SLC44A5: variants seen among roughly 807,000 people sequenced by gnomAD.
The protein encoded by SLC44A5 is solute carrier family 44 member 5.
Under a neutral mutation model 101.8 loss-of-function variants are expected in SLC44A5, and 57 were observed. The ratio of observed to expected loss-of-function variants is 0.56; its 90% CI spans 0.45 to 0.70. SLC44A5 has a LOEUF of 0.70. SLC44A5 is among the 30% of genes least tolerant of loss of function. SLC44A5 has a pLI of 0.00. For synonymous variants in SLC44A5, 281 were observed against 290.9 expected (o/e 0.97, Z 0.35); for missense variants, 737 against 853.1 (o/e 0.86, Z 1.70).
chr1:75,646,247 A>T, the SLC44A5 span, among the ~76,000 whole-genome samples: 2,421 of 137,568 alleles, frequency 0.018, 162 homozygotes, highest in African/African-American at 0.055. Context: ...CACGAAATTG[A>T]TTCTTCCTAT....
chr1:75,673,696 C>G, the SLC44A5 span, among the ~76,000 whole-genome samples: 1,814 of 152,196 alleles, frequency 0.012, 34 homozygotes, highest in African/African-American at 0.043. Context: ...CATCCTTCCC[C>G]AAGCTCCTAG....
At chr1:75,522,714 G>T (rs1670205419) in intron 2 of SLC44A5, among the ~76,000 whole-genome samples, 1 of 152,174 alleles carries the variant, frequency 6.6e-6, no homozygotes, top group Non-Finnish European at 1.5e-5. Flanking sequence ...GAGCTTGAAG[G>T]ACTTTCTTAT....
At chr1:75,599,834 G>C (rs1674869964) in intron 1 of SLC44A5, among the ~76,000 whole-genome samples, 1 of 152,064 alleles carries the variant, frequency 6.6e-6, no homozygotes, top group Non-Finnish European at 1.5e-5. Context: ...GGGAAGTGGT[G>C]GGAAATGAAC....
chr1:75,417,459 C>G (rs1663730160), intron 2 of SLC44A5, among the ~76,000 whole-genome samples: 1 of 152,144 alleles, frequency 6.6e-6, no homozygotes, highest in Non-Finnish European at 1.5e-5. Flanking sequence ...CAGAATTTAA[C>G]CACAGTTTAT....
intron 2 of SLC44A5, among the ~76,000 whole-genome samples, chr1:75,416,845 C>T (rs543022991): frequency 1.2e-4 from 19 of 152,296 alleles, no homozygotes; most frequent in African/African-American, 4.6e-4. Context: ...TTGTTTTGGC[C>T]AATTTCTCCC....
At chr1:75,695,250 C>G in the SLC44A5 span, among the ~76,000 whole-genome samples, 2 of 152,238 alleles carry the variant, frequency 1.3e-5, no homozygotes, top group Non-Finnish European at 2.9e-5. Context: ...CAAACTAGTT[C>G]CTGTTGACTT....
At chr1:75,352,196 T>C (rs1658729629) in intron 3 of SLC44A5, among the ~76,000 whole-genome samples, 1 of 152,140 alleles carries the variant, frequency 6.6e-6, no homozygotes, top group African/African-American at 2.4e-5. Flanking sequence ...GTCTCTTTTT[T>C]TTCTTCAACT....
At chr1:75,610,957 G>T in intron 1 of SLC44A5, 83 bp downstream of exon 1, 1 of 423,514 alleles carries the variant, frequency 2.4e-6, no homozygotes, top group Non-Finnish European at 3.2e-6. Flanking sequence ...TTCTTGAGTT[G>T]TATAGAATAC....
chr1:75,322,022 A>T (rs1246907335), intron 4 of SLC44A5, among the ~76,000 whole-genome samples: 2 of 152,120 alleles, frequency 1.3e-5, no homozygotes, highest in Non-Finnish European at 2.9e-5. Flanking sequence ...CTTTAAAAGG[A>T]TTGTTTACAG....
chr1:75,616,070 C>T, upstream of SLC44A5, among the ~76,000 whole-genome samples: 1 of 151,742 alleles, frequency 6.6e-6, no homozygotes, highest in Non-Finnish European at 1.5e-5. Context: ...GGGCGGGCGC[C>T]GCCGCCCCTC....
intron 2 of SLC44A5, among the ~76,000 whole-genome samples, chr1:75,412,186 C>T (rs1477557034): frequency 1.3e-5 from 2 of 152,210 alleles, no homozygotes; most frequent in African/African-American, 4.8e-5. Flanking sequence ...TCTTTAAATG[C>T]AAGGACTATA....
At position 75,554,805 on chromosome 1, in the gene SLC44A5, G is replaced by A. The variant is rs141427431; in HGVS notation, c.-69-13289C>T. On this transcript the variant is annotated intron_variant, in intron 1 of 23. Transcript: ENST00000370859. ...AATTATACTAATAAATATTATTATG[G>A]AAGTAGGAAATACAAAAAAATAAGA... Among the ~76,000 whole-genome samples, 984 of 152,052 alleles carry A rather than the reference G, an allele frequency of 6.5e-3. 10 individuals carry two copies. Among genetic ancestry groups the A allele is most frequent in the African/African-American group, 0.02 (827 of 41,474 alleles).
rs756459556 is a variant in SLC44A5, at chr1:75,214,630, T to G, written c.1777A>C (p.Asn593His). Residue 593 changes from asparagine (N) to histidine (H), a missense_variant, in exon 20 of 24, where the codon AAT (asparagine) becomes CAT (histidine). Asn to His is a moderately conservative substitution (Grantham distance 68). This residue lies in a region of SLC44A5 where 665 missense variants were observed against 764.4 expected (regional missense o/e 0.87). Transcript: ENST00000370859. The stretch of plus-strand genomic sequence containing the variant: ...TTCAAAACATTTCTCATCAGCAGAT[T>G]GAAAGCATCTTTTGCTGACCTGCAG... ...NFCRSAKDAF[N>H]LLMRNVLKVA... 6.2e-7 allele frequency: 1 copy of G among 1,611,922 alleles called. No individual in the cohort carries two copies. The highest frequency in any genetic ancestry group is 1.7e-5 in the Admixed American group (1 of 59,750).
intron 19 of SLC44A5, 41 bp downstream of exon 19, chr1:75,215,713 G>T: frequency 1.6e-6 from 2 of 1,219,200 alleles, no homozygotes; most frequent in Non-Finnish European, 2.4e-6. Flanking sequence ...GTTTGGGATT[G>T]CAAAGAAGCA....
intron 1 of SLC44A5, among the ~76,000 whole-genome samples, chr1:75,567,655 G>A (rs1252020804): frequency 6.6e-6 from 1 of 152,182 alleles, no homozygotes; most frequent in East Asian, 1.9e-4. Flanking sequence ...AGAGGAGACA[G>A]TGAGAGTTGG....
the SLC44A5 span, among the ~76,000 whole-genome samples, chr1:75,643,592 A>AG: frequency 6.6e-6 from 1 of 152,162 alleles, no homozygotes; most frequent in Non-Finnish European, 1.5e-5. Flanking sequence ...GTGTCATAGG[A>AG]GGGGCCCAGT....
the SLC44A5 span, among the ~76,000 whole-genome samples, chr1:75,696,642 T>A: frequency 6.6e-6 from 1 of 152,104 alleles, no homozygotes; most frequent in Non-Finnish European, 1.5e-5. Flanking sequence ...ACGCCTGTAA[T>A]CCCAGCACTT....
At chr1:75,507,404 G>GCC (rs1669328077) in intron 2 of SLC44A5, among the ~76,000 whole-genome samples, 1 of 152,144 alleles carries the variant, frequency 6.6e-6, no homozygotes, top group African/African-American at 2.4e-5. Flanking sequence ...AAGCCTACGT[G>GCC]ATCGTGACAA....
chr1:75,293,813 C>A (rs1162133173), intron 5 of SLC44A5, among the ~76,000 whole-genome samples: 1 of 151,992 alleles, frequency 6.6e-6, no homozygotes, highest in Admixed American at 6.6e-5. Context: ...ACCATGAATG[C>A]ACTCAACAAA....
Sources: gnomAD v4.1 joint callset for allele counts (sites outside exome capture counted in the v4.1 genomes callset) on GRCh38, gnomAD v4.1.1 for gene constraint, gnomAD v4.1.1 regional missense constraint, MANE v1.5 for transcripts, NCBI Gene and HGNC (gene_info 2026-07-23, HGNC 2026-07-21) for gene names.